The following CSMD1 variants were observed in gnomAD, a reference collection of about 807,000 sequenced individuals.
CSMD1 encodes the protein CUB and sushi domain-containing protein 1.
A neutral mutation model predicts 417.5 loss-of-function variants in CSMD1; 213 were observed. The observed-to-expected ratio is 0.51, with a 90% CI of 0.46 to 0.57. The LOEUF (loss-of-function observed/expected upper bound fraction) is 0.57, where lower values mean the gene tolerates loss of function less well. Ranked by LOEUF, CSMD1 falls within the 20% of genes least tolerant of loss-of-function variation. CSMD1 has a pLI of 0.00. For synonymous variants in CSMD1, 2,862 were observed against 1,736.8 expected (o/e 1.65, Z -16.11); for missense variants, 6,923 against 4,529.7 (o/e 1.53, Z -15.17).
intron 5 of CSMD1, among the ~76,000 whole-genome samples, chr8:3,755,425 G>T (rs981854832): frequency 6.6e-6 from 1 of 152,100 alleles, no homozygotes; most frequent in Admixed American, 6.5e-5. Flanking sequence ...TTTGCATCTT[G>T]GTAACAAAAT....
At chr8:3,206,323 GTA>G (rs1346311842) in intron 30 of CSMD1, among the ~76,000 whole-genome samples, 1 of 137,508 alleles carries the variant, frequency 7.3e-6, no homozygotes, top group Non-Finnish European at 1.6e-5. Context: ...TGTGTGTGTG[GTA>G]TGTGTGTATG....
At position 4,103,289 on chromosome 8, in the gene CSMD1, G is replaced by C. The variant is rs1028708268; in HGVS notation, c.416-71190C>G. Among the ~76,000 whole-genome samples the C allele has an allele frequency of 1.5e-4, 22 of 150,492 alleles. No individual in the cohort carries two copies. In the East Asian group the frequency reaches 4.3e-3, roughly 29 times the overall value. On this transcript the variant is annotated intron_variant, in intron 3 of 69. Transcript: ENST00000635120. ...ATTATATATATCATACTGAAAGTAT[G>C]ACGTGTGTGTGCATATACACACAGT...
intron 3 of CSMD1, among the ~76,000 whole-genome samples, chr8:4,186,719 G>C (rs115600675): frequency 5.8e-4 from 88 of 151,766 alleles, no homozygotes; most frequent in Middle Eastern, 6.8e-3. Context: ...GCGTACGGTC[G>C]CTCACACCTG....
intron 3 of CSMD1, among the ~76,000 whole-genome samples, chr8:4,144,059 G>C (rs1388903768): frequency 2.0e-5 from 3 of 151,204 alleles, no homozygotes; most frequent in East Asian, 1.9e-4. Context: ...TTAGGAAATG[G>C]GGAGACGGAA....
chr8:3,572,565 T>C (rs1328798670), intron 10 of CSMD1, among the ~76,000 whole-genome samples: 2 of 152,238 alleles, frequency 1.3e-5, no homozygotes, highest in African/African-American at 4.8e-5. Context: ...ACAGGTTAAC[T>C]AAACCATTCC....
chr8:3,873,240 A>G (rs1805601321), intron 5 of CSMD1, among the ~76,000 whole-genome samples: 1 of 152,230 alleles, frequency 6.6e-6, no homozygotes, highest in African/African-American at 2.4e-5. Context: ...TCTATCATAA[A>G]GACACATGCA....
At chr8:3,983,212 G>C (rs545075275) in intron 5 of CSMD1, among the ~76,000 whole-genome samples, 29 of 148,528 alleles carry the variant, frequency 2.0e-4, no homozygotes, top group African/African-American at 7.0e-4. Context: ...CTCACTGCAA[G>C]CTCCACCTCC....
chr8:4,231,110 A>T (rs1209011494), intron 3 of CSMD1, among the ~76,000 whole-genome samples: 1 of 152,220 alleles, frequency 6.6e-6, no homozygotes, highest in Non-Finnish European at 1.5e-5. Context: ...CACCAAGGAT[A>T]TATGTTGAAC....
chr8:4,902,627 C>T (rs1199928411), intron 1 of CSMD1, among the ~76,000 whole-genome samples: 1 of 152,086 alleles, frequency 6.6e-6, no homozygotes, highest in Non-Finnish European at 1.5e-5. Flanking sequence ...TTTTGATTAT[C>T]TATTTAACTC....
At chr8:4,966,133 G>A (rs35583703) in intron 1 of CSMD1, among the ~76,000 whole-genome samples, 38,426 of 150,206 alleles carry the variant, frequency 0.26, 6,007 homozygotes, top group Non-Finnish European at 0.35. Flanking sequence ...GGAGGCCGAG[G>A]CAGGTGGATC....
chr8:3,535,551 G>A (rs530174265), intron 10 of CSMD1, among the ~76,000 whole-genome samples: 1 of 152,092 alleles, frequency 6.6e-6, no homozygotes, highest in Non-Finnish European at 1.5e-5. Flanking sequence ...GAAGGGGGCT[G>A]GTGGGTAGGA....
At chr8:4,578,769 G>C (rs1330675709) in intron 2 of CSMD1, among the ~76,000 whole-genome samples, 1 of 145,250 alleles carries the variant, frequency 6.9e-6, no homozygotes, top group East Asian at 2.1e-4. Flanking sequence ...AGCTGAAATC[G>C]TGCCACTGCA....
chr8:4,382,281 A>G (rs1031654244), intron 3 of CSMD1, among the ~76,000 whole-genome samples: 5 of 152,202 alleles, frequency 3.3e-5, no homozygotes, highest in African/African-American at 1.2e-4. Context: ...ACTGGGGCTT[A>G]TTGAGTTCTT....
intron 1 of CSMD1, among the ~76,000 whole-genome samples, chr8:4,704,670 C>A (rs1807805258): frequency 1.3e-5 from 2 of 152,126 alleles, no homozygotes; most frequent in African/African-American, 4.8e-5. Context: ...TAAAGAAAAC[C>A]AATTTTTCCA....
At position 3,121,378 on chromosome 8, in the gene CSMD1, A is replaced by G. The variant is rs532860429; in HGVS notation, c.6242-2791T>C. 4.6e-5 allele frequency among the ~76,000 whole-genome samples: 7 copies of G among 152,326 alleles called. No homozygotes were observed. In the East Asian group the frequency reaches 1.2e-3, roughly 25 times the overall value. On this transcript the variant is annotated intron_variant, in intron 41 of 69. Coordinates refer to ENST00000635120, the MANE Select transcript of CSMD1 (RefSeq NM_033225.6). Reference sequence around the variant, plus strand: ...CGCAGCAGAAAAATGATTGAGAACAAGAAAAATCGAGATCAGAGGACACAT... The same window carrying G: ...CGCAGCAGAAAAATGATTGAGAACAGGAAAAATCGAGATCAGAGGACACAT...
chr8:3,748,915 C>G (rs370728847), intron 6 of CSMD1, among the ~76,000 whole-genome samples: 1 of 152,148 alleles, frequency 6.6e-6, no homozygotes, highest in East Asian at 1.9e-4. Flanking sequence ...TGAATGTTCC[C>G]TATAAAAATT....
At chr8:3,046,468 G>A (rs1180736278) in intron 50 of CSMD1, among the ~76,000 whole-genome samples, 1 of 151,974 alleles carries the variant, frequency 6.6e-6, no homozygotes, top group Non-Finnish European at 1.5e-5. Flanking sequence ...ATTCCCTTCC[G>A]TGGACATTTC....
At chr8:3,638,918 G>C (rs906108112) in intron 7 of CSMD1, among the ~76,000 whole-genome samples, 1 of 152,144 alleles carries the variant, frequency 6.6e-6, no homozygotes, top group Non-Finnish European at 1.5e-5. Context: ...CGAATAGCCT[G>C]ATATTTATTT....
At chr8:4,565,770 A>G (rs1427462768) in intron 2 of CSMD1, among the ~76,000 whole-genome samples, 19 of 22,044 alleles carry the variant, frequency 8.6e-4, no homozygotes, top group African/African-American at 2.0e-3. Flanking sequence ...ATATATATAT[A>G]TATATATATA....
Sources: allele counts gnomAD v4.1 joint callset (sites outside exome capture counted in the v4.1 genomes callset), GRCh38; gene constraint gnomAD v4.1.1; transcripts MANE v1.5; gene names NCBI Gene and HGNC (gene_info 2026-07-23, HGNC 2026-07-21).